The following ST7 variants were observed in gnomAD, a reference collection of about 807,000 sequenced individuals.
ST7 encodes suppression of tumorigenicity 7.
Under a neutral mutation model 78.7 loss-of-function variants are expected in ST7, and 28 were observed. The observed-to-expected ratio is 0.36, with a 90% CI of 0.26 to 0.49. The LOEUF (loss-of-function observed/expected upper bound fraction) is 0.49, where lower values mean the gene tolerates loss of function less well. Ranked by LOEUF, ST7 falls within the 20% of genes least tolerant of loss-of-function variation. ST7 has a pLI of 0.99. For missense variants in ST7, 418 were observed against 696.0 expected, an observed-to-expected ratio of 0.60 and a Z score of 4.49; for synonymous variants, 247 against 249.6, an observed-to-expected ratio of 0.99 and a Z score of 0.10.
At chr7:117,168,982 A>T (rs1807773558) in intron 9 of ST7, among the ~76,000 whole-genome samples, 1 of 152,214 alleles carries the variant, frequency 6.6e-6, no homozygotes, top group Non-Finnish European at 1.5e-5. Flanking sequence ...GATAGCAGTT[A>T]TCCAGGTAGA....
intron 1 of ST7, among the ~76,000 whole-genome samples, chr7:117,014,311 G>A (rs1795507338): frequency 6.6e-6 from 1 of 151,442 alleles, no homozygotes; most frequent in Non-Finnish European, 1.5e-5. Flanking sequence ...GAAAAAGATG[G>A]CTCAGGGTAT....
intron 3 of ST7, 26 bp from the exon 4 acceptor site, chr7:117,129,767 C>A: frequency 6.3e-7 from 1 of 1,597,910 alleles, no homozygotes; most frequent in South Asian, 1.1e-5. Context: ...TTACGCGTAA[C>A]ATTTTCATAT....
intron 1 of ST7, chr7:117,098,643 G>A (rs1386268667): frequency 2.9e-6 from 1 of 348,696 alleles, no homozygotes; most frequent in African/African-American, 2.2e-5. Context: ...AGTGAACGTG[G>A]GATCTCTGTT....
chr7:117,129,940 G>T (rs1013187392), intron 4 of ST7, 93 bp downstream of exon 4: 2 of 960,200 alleles, frequency 2.1e-6, no homozygotes, highest in African/African-American at 3.3e-5. Context: ...AGGGGTCATT[G>T]TAACAGTCTA....
intron 1 of ST7, among the ~76,000 whole-genome samples, chr7:117,053,347 G>C (rs184879370): frequency 6.6e-6 from 1 of 152,170 alleles, no homozygotes; most frequent in Admixed American, 6.5e-5. Context: ...AGTGTTTTTC[G>C]ATGCTCTCGA....
intron 1 of ST7, among the ~76,000 whole-genome samples, chr7:117,025,000 A>G (rs1008704920): frequency 6.6e-6 from 1 of 152,344 alleles, no homozygotes; most frequent in East Asian, 1.9e-4. Flanking sequence ...GTTACCAAGA[A>G]CTAGATAATT....
At chr7:117,229,211 C>T (rs1394565798) in intron 15 of ST7, among the ~76,000 whole-genome samples, 1 of 152,226 alleles carries the variant, frequency 6.6e-6, no homozygotes, top group Non-Finnish European at 1.5e-5. Flanking sequence ...CGTTTGCCGC[C>T]TTCTCCCAGG....
chr7:116,962,246 T>C (rs1172575073), intron 1 of ST7, among the ~76,000 whole-genome samples: 1 of 152,206 alleles, frequency 6.6e-6, no homozygotes, highest in Non-Finnish European at 1.5e-5. Flanking sequence ...GCAATAAACA[T>C]ATGTGTACAT....
chr7:116,955,778 C>T (rs1792440223), intron 1 of ST7, among the ~76,000 whole-genome samples: 1 of 152,136 alleles, frequency 6.6e-6, no homozygotes, highest in Non-Finnish European at 1.5e-5. Flanking sequence ...TAAGGAAGGG[C>T]ATTGTTAGGT....
chr7:117,155,424 T>C (rs1454421709), intron 9 of ST7, among the ~76,000 whole-genome samples: 2 of 152,282 alleles, frequency 1.3e-5, no homozygotes, highest in East Asian at 3.9e-4. Flanking sequence ...GATGAGATCT[T>C]ACTAAGCTAC....
intron 1 of ST7, among the ~76,000 whole-genome samples, chr7:117,015,480 CT>C (rs1468864024): frequency 6.6e-6 from 1 of 152,166 alleles, no homozygotes; most frequent in African/African-American, 2.4e-5. Flanking sequence ...AGTTTTTATC[CT>C]AAATTTTCTG....
intron 1 of ST7, among the ~76,000 whole-genome samples, chr7:117,038,844 A>G (rs909357975): frequency 2.0e-5 from 3 of 152,196 alleles, no homozygotes; most frequent in African/African-American, 7.2e-5. Flanking sequence ...GAAAGATTTT[A>G]TGATGATTAA....
At chr7:117,168,976 G>A (rs193556) in intron 9 of ST7, among the ~76,000 whole-genome samples, 13,273 of 152,166 alleles carry the variant, frequency 0.087, 878 homozygotes, top group East Asian at 0.2. Context: ...ATAATAGATA[G>A]CAGTTATCCA....
intron 1 of ST7, among the ~76,000 whole-genome samples, chr7:117,040,998 T>C (rs1797187457): frequency 6.6e-6 from 1 of 152,182 alleles, no homozygotes; most frequent in Non-Finnish European, 1.5e-5. Flanking sequence ...GCTTTCCTTT[T>C]CTCTGGATTG....
intron 1 of ST7, chr7:116,953,916 C>G (rs1792289791): frequency 6.5e-6 from 1 of 153,114 alleles, no homozygotes; most frequent in South Asian, 2.0e-4. Context: ...GGAGGAAGAG[C>G]TGCGCCGCGC....
intron 1 of ST7, among the ~76,000 whole-genome samples, chr7:116,960,833 T>A (rs1301435047): frequency 6.6e-6 from 1 of 152,222 alleles, no homozygotes; most frequent in Non-Finnish European, 1.5e-5. Context: ...TAGATTTTAT[T>A]TGTCAATTTT....
At chr7:117,054,759 T>G (rs1057464019) in intron 1 of ST7, among the ~76,000 whole-genome samples, 3 of 152,176 alleles carry the variant, frequency 2.0e-5, no homozygotes, top group Admixed American at 2.0e-4. Flanking sequence ...ACAACCAGTA[T>G]CTGACAGATG....
At chr7:117,131,737 T>A in intron 5 of ST7, 148 bp from the exon 6 acceptor site, 1 of 689,580 alleles carries the variant, frequency 1.5e-6, no homozygotes, top group Non-Finnish European at 2.5e-6. Context: ...TACACTAATA[T>A]GACTTTGGAG....
chr7:117,063,613 G>A (rs935246775), intron 1 of ST7, among the ~76,000 whole-genome samples: 2 of 152,160 alleles, frequency 1.3e-5, no homozygotes, highest in African/African-American at 4.8e-5. Flanking sequence ...AGAGGCTGAA[G>A]TGGGAGGATC....
Sources: gnomAD v4.1 joint callset for allele counts (sites outside exome capture counted in the v4.1 genomes callset) on GRCh38, gnomAD v4.1.1 for gene constraint, MANE v1.5 for transcripts, NCBI Gene and HGNC (gene_info 2026-07-23, HGNC 2026-07-21) for gene names.